Variants in VWA2 observed in about 807,000 individuals in gnomAD.
VWA2 encodes von Willebrand factor A domain containing 2, also known as von Willebrand factor A domain-containing protein 2.
VWA2 carries 73 observed loss-of-function variants against 70.4 expected under a neutral mutation model. That is an observed-to-expected ratio of 1.04 (90% CI 0.86 to 1.26). VWA2 has a LOEUF of 1.26. VWA2 is among the 50% of genes most tolerant of loss of function. VWA2 has a pLI of 0.00. For synonymous variants in VWA2, 407 were observed against 423.3 expected, an observed-to-expected ratio of 0.96 and a Z score of 0.47; for missense variants, 1,011 against 998.5, an observed-to-expected ratio of 1.01 and a Z score of -0.17.
rs756902143 is a variant in VWA2 at position 114,277,959 on chromosome 10, C to G, written c.612C>G (p.His204Gln). ...TGGCCAGCGAGCCTAGAGGGCAGCACGTGCTGTTGGCTGAGCAGGTGGAGG... is the reference window on the plus strand; with the variant it reads ...TGGCCAGCGAGCCTAGAGGGCAGCAGGTGCTGTTGGCTGAGCAGGTGGAGG... ...HALASEPRGQ[H>Q]VLLAEQVEDA... The change falls in exon 7 of 14, where the codon CAC (histidine) becomes CAG (glutamine). Residue 204 changes from histidine (H) to glutamine (Q), a missense_variant. By Grantham distance (24) the His-to-Gln change is conservative. Coordinates refer to ENST00000392982, the MANE Select transcript of VWA2 (RefSeq NM_001272046.2). The G allele has an allele frequency of 2.5e-6, 4 of 1,612,672 alleles. No individual in the cohort carries two copies. Among genetic ancestry groups the G allele is most frequent in the Non-Finnish European group, 3.4e-6 (4 of 1,179,626 alleles).
intron 2 of VWA2, 46 bp downstream of exon 2, chr10:114,248,811 AG>A: frequency 2.6e-6 from 4 of 1,563,140 alleles, no homozygotes; most frequent in South Asian, 1.1e-5. Flanking sequence ...CGTGTTGAGT[AG>A]GGGGGTTGCT....
chr10:114,286,586 A>G, intron 11 of VWA2, 75 bp downstream of exon 11: 9 of 1,307,658 alleles, frequency 6.9e-6, no homozygotes, highest in Non-Finnish European at 7.2e-6. Context: ...CCACCTAACC[A>G]TCATTTTCTG....
At chr10:114,269,758 G>A (rs905191207) in intron 5 of VWA2, among the ~76,000 whole-genome samples, 2 of 152,184 alleles carry the variant, frequency 1.3e-5, no homozygotes, top group African/African-American at 4.8e-5. Context: ...GCCTGTAGGA[G>A]TGATAATGAT....
chr10:114,254,872 C>T (rs754755981), intron 3 of VWA2, 43 bp from the exon 4 acceptor site: 4 of 1,597,394 alleles, frequency 2.5e-6, no homozygotes, highest in African/African-American at 1.3e-5. Context: ...GAAGTGAGAC[C>T]GACTTGCTCC....
Position 114,291,365 on chromosome 10 carries a change from C to A in VWA2, c.*128C>A. ...CCCCAGGTCCTTAGAATGTCTGCTT[C>A]CCGCCGTGGCCAGGACCACTATTCT... On this transcript the variant is annotated 3_prime_UTR_variant, in exon 14 of 14. Transcript: ENST00000392982. 1 of 1,155,144 alleles carries A rather than the reference C, an allele frequency of 8.7e-7. No homozygotes were observed. The allele number at this position is 1,155,144 out of a possible 1,614,324, so 71.6% of individuals were successfully genotyped here.
intron 13 of VWA2, 72 bp downstream of exon 13, chr10:114,290,437 C>T (rs1400390626): frequency 1.3e-6 from 2 of 1,528,704 alleles, no homozygotes; most frequent in African/African-American, 2.8e-5. Flanking sequence ...CCCACAAACT[C>T]AGCTGAAGGC....
At position 114,291,534 on chromosome 10, in the gene VWA2, CTA is replaced by C. The variant is rs1351993080; in HGVS notation, c.*299_*300del. ...CTGTACCTGCTGTGCCTTGTTGAGG[CTA>C]TGTCATCTGCCACCTTTCCCTTGAG... is the stretch of plus-strand genomic sequence containing the variant. On this transcript the variant is annotated 3_prime_UTR_variant, in exon 14 of 14. Transcript: ENST00000392982. 1 of 376,764 alleles carries C rather than the reference CTA, an allele frequency of 2.7e-6. No homozygotes were observed. Among genetic ancestry groups the C allele is most frequent in the East Asian group, 5.4e-5 (1 of 18,610 alleles). The allele number at this position is 376,764 out of a possible 1,614,324, so 23.3% of individuals were successfully genotyped here. A position where few individuals can be genotyped will look rare whatever the true frequency, so the allele number is the denominator to read the frequency against.
At chr10:114,276,490 T>C (rs1194431588) in intron 6 of VWA2, among the ~76,000 whole-genome samples, 3 of 152,090 alleles carry the variant, frequency 2.0e-5, no homozygotes, top group African/African-American at 7.2e-5. Context: ...AAACTGATAC[T>C]GGTTCAGTCT....
At chr10:114,285,888 G>A (rs185329341) in intron 10 of VWA2, 51 bp from the exon 11 acceptor site, 35 of 1,510,024 alleles carry the variant, frequency 2.3e-5, no homozygotes, top group East Asian at 2.3e-4. Context: ...GGGACAGCTC[G>A]CATGCCGCAT....
chr10:114,264,633 A>G (rs903846658), intron 5 of VWA2, among the ~76,000 whole-genome samples: 4 of 151,890 alleles, frequency 2.6e-5, no homozygotes, highest in Non-Finnish European at 5.9e-5. Flanking sequence ...TTTAGCCAGG[A>G]TGGTCACTAT....
At chr10:114,287,495 A>G (rs2039049189) in intron 11 of VWA2, among the ~76,000 whole-genome samples, 1 of 152,090 alleles carries the variant, frequency 6.6e-6, no homozygotes, top group Non-Finnish European at 1.5e-5. Context: ...GGGCTCCTGG[A>G]GTTCTCCCCT....
At chr10:114,258,804 T>A (rs550502831) in intron 4 of VWA2, among the ~76,000 whole-genome samples, 17 of 152,332 alleles carry the variant, frequency 1.1e-4, no homozygotes, top group African/African-American at 3.6e-4. Flanking sequence ...TAAATATTCT[T>A]CTTTCTCTCT....
At chr10:114,280,531 TG>T (rs898990710) in intron 8 of VWA2, among the ~76,000 whole-genome samples, 9 of 150,460 alleles carry the variant, frequency 6.0e-5, no homozygotes, top group South Asian at 2.1e-4. Flanking sequence ...CTGAGGGAGG[TG>T]GGGGGCAAAC....
At chr10:114,284,430 G>A (rs1286549064) in intron 9 of VWA2, among the ~76,000 whole-genome samples, 1 of 152,194 alleles carries the variant, frequency 6.6e-6, no homozygotes, top group Non-Finnish European at 1.5e-5. Flanking sequence ...ATTCAGTCCT[G>A]AGCAGCCTGA....
intron 11 of VWA2, among the ~76,000 whole-genome samples, chr10:114,286,952 G>A (rs898480515): frequency 2.0e-5 from 3 of 152,168 alleles, no homozygotes; most frequent in Non-Finnish European, 2.9e-5. Flanking sequence ...ATACACACAC[G>A]GATGCATGTG....
intron 6 of VWA2, among the ~76,000 whole-genome samples, chr10:114,275,139 A>AAG (rs2037803275): frequency 6.6e-6 from 1 of 152,120 alleles, no homozygotes; most frequent in African/African-American, 2.4e-5. Context: ...ACAGGGAGAG[A>AAG]AGATGACCAA....
At chr10:114,246,440 G>A in intron 1 of VWA2, 1 of 609,340 alleles carries the variant, frequency 1.6e-6, no homozygotes, top group South Asian at 2.1e-5. Context: ...GGCAGAGGTA[G>A]CAGTGAGCCA....
chr10:114,264,496 C>G (rs2037518225), intron 5 of VWA2, among the ~76,000 whole-genome samples: 2 of 151,428 alleles, frequency 1.3e-5, no homozygotes. Flanking sequence ...CGGCTCAATG[C>G]AAGCTCCACC....
intron 5 of VWA2, 115 bp from the exon 6 acceptor site, chr10:114,272,625 G>T (rs1228101591): frequency 5.4e-6 from 5 of 928,582 alleles, no homozygotes; most frequent in Non-Finnish European, 8.0e-6. Context: ...CCTCTGCTAG[G>T]AGAAAGCTAC....
Sources: allele counts gnomAD v4.1 joint callset (sites outside exome capture counted in the v4.1 genomes callset), GRCh38; gene constraint gnomAD v4.1.1; transcripts MANE v1.5; gene names NCBI Gene and HGNC (gene_info 2026-07-23, HGNC 2026-07-21).